Variants in CHD6 observed in about 807,000 individuals in gnomAD.
CHD6 encodes ATP-dependent chromatin remodeler CHD6.
In CHD6, 50 loss-of-function variants were observed where a neutral mutation model predicts 276.9. That is an observed-to-expected ratio of 0.18 (90% CI 0.14 to 0.23). CHD6 has a LOEUF of 0.23. Among genes scored for constraint, CHD6 ranks in the 10% least tolerant of loss-of-function variants. CHD6 has a pLI of 1.00. For synonymous variants in CHD6, 1,173 were observed against 1,229.3 expected, an observed-to-expected ratio of 0.95 and a Z score of 0.96; for missense variants, 2,564 against 3,365.8, an observed-to-expected ratio of 0.76 and a Z score of 5.89.
intron 1 of CHD6, among the ~76,000 whole-genome samples, chr20:41,593,567 C>T (rs1048200652): frequency 6.6e-6 from 1 of 152,114 alleles, no homozygotes; most frequent in Non-Finnish European, 1.5e-5. Flanking sequence ...CCCAAAAACC[C>T]AACTCTTAAT....
intron 5 of CHD6, among the ~76,000 whole-genome samples, chr20:41,499,681 C>T (rs986802757): frequency 6.6e-6 from 1 of 152,162 alleles, no homozygotes; most frequent in African/African-American, 2.4e-5. Flanking sequence ...TTGCTGCATA[C>T]AATTTTCAGA....
At chr20:41,557,502 T>C (rs746758302) in intron 1 of CHD6, among the ~76,000 whole-genome samples, 4 of 152,142 alleles carry the variant, frequency 2.6e-5, no homozygotes, top group African/African-American at 7.2e-5. Flanking sequence ...TGTTGTGTAA[T>C]AGTAACTTTT....
At chr20:41,542,598 C>CAGGG (rs1442541499) in intron 2 of CHD6, among the ~76,000 whole-genome samples, 1 of 151,968 alleles carries the variant, frequency 6.6e-6, no homozygotes, top group African/African-American at 2.4e-5. Flanking sequence ...GAGGCTGAGG[C>CAGGG]AGGAGAATGG....
At chr20:41,467,561 GAAA>G (rs11472253) in intron 17 of CHD6, among the ~76,000 whole-genome samples, 1 of 39,156 alleles carries the variant, frequency 2.6e-5, no homozygotes. Context: ...TTCTGACAAT[GAAA>G]AAAAAAAAAA....
intron 27 of CHD6, among the ~76,000 whole-genome samples, chr20:41,429,595 G>T (rs1382502793): frequency 6.6e-6 from 1 of 152,150 alleles, no homozygotes; most frequent in Non-Finnish European, 1.5e-5. Flanking sequence ...CACCTGAAAA[G>T]AAATTTAAAG....
At chr20:41,507,984 C>T (rs183224021) in intron 5 of CHD6, among the ~76,000 whole-genome samples, 1 of 152,250 alleles carries the variant, frequency 6.6e-6, no homozygotes, top group Admixed American at 6.5e-5. Flanking sequence ...AAGGGGATTA[C>T]ACTCATTCAG....
intron 2 of CHD6, among the ~76,000 whole-genome samples, chr20:41,544,555 C>T (rs990605289): frequency 2.1e-4 from 32 of 151,960 alleles, no homozygotes; most frequent in African/African-American, 6.8e-4. Flanking sequence ...CTCATAAATG[C>T]TAGTGACGTA....
At chr20:41,514,111 T>C (rs2044191484) in intron 4 of CHD6, among the ~76,000 whole-genome samples, 1 of 152,214 alleles carries the variant, frequency 6.6e-6, no homozygotes, top group African/African-American at 2.4e-5. Flanking sequence ...GTCATTTTCC[T>C]ACAGGGAAGA....
chr20:41,555,766 G>T (rs1314110061), intron 1 of CHD6, among the ~76,000 whole-genome samples: 2 of 151,860 alleles, frequency 1.3e-5, no homozygotes, highest in East Asian at 3.9e-4. Flanking sequence ...TCACTTTCCA[G>T]ACTGGGCAGC....
chr20:41,497,653 C>T (rs1352315769), intron 7 of CHD6, 152 bp from the exon 8 acceptor site: 1 of 664,242 alleles, frequency 1.5e-6, no homozygotes, highest in Non-Finnish European at 2.7e-6. Context: ...AAGACCTTCC[C>T]CTTAAGGGCA....
At position 41,544,444 on chromosome 20, in the gene CHD6, T is replaced by A. The variant is rs6102457; in HGVS notation, c.33+6861A>T. Among the ~76,000 whole-genome samples the A allele has an allele frequency of 4.9e-3, 749 of 152,276 alleles. 10 individuals carry two copies. Among genetic ancestry groups the A allele is most frequent in the African/African-American group, 0.017 (718 of 41,556 alleles). On this transcript the variant is annotated intron_variant, in intron 2 of 36. Transcript: ENST00000373233. Reference sequence around the variant, plus strand: ...TTAGTTGTTTTTAAGTAGCCTTTTTTATGACAGTGTTTTCTACATGTAAAC... The same window carrying A: ...TTAGTTGTTTTTAAGTAGCCTTTTTAATGACAGTGTTTTCTACATGTAAAC...
intron 33 of CHD6, 125 bp downstream of exon 33, chr20:41,416,463 A>G (rs1600804333): frequency 1.2e-6 from 1 of 806,776 alleles, no homozygotes; most frequent in East Asian, 2.5e-5. Context: ...AATCAACACT[A>G]ATGGCTTGGC....
chr20:41,605,922 A>G (rs1054481138), intron 1 of CHD6, among the ~76,000 whole-genome samples: 1 of 152,214 alleles, frequency 6.6e-6, no homozygotes, highest in Admixed American at 6.5e-5. Flanking sequence ...TTGAGAACCT[A>G]CTATGTACAA....
intron 5 of CHD6, among the ~76,000 whole-genome samples, chr20:41,510,008 G>A (rs898963207): frequency 6.6e-6 from 1 of 152,156 alleles, no homozygotes; most frequent in Non-Finnish European, 1.5e-5. Context: ...ACAGAATTGC[G>A]TTGAGCACAC....
At chr20:41,595,203 G>A (rs73123259) in intron 1 of CHD6, among the ~76,000 whole-genome samples, 3,222 of 152,242 alleles carry the variant, frequency 0.021, 47 homozygotes, top group Non-Finnish European at 0.032. Context: ...ATACTGTGGC[G>A]ACCCAGTAAC....
intron 1 of CHD6, among the ~76,000 whole-genome samples, chr20:41,561,772 C>A (rs1015315170): frequency 6.6e-6 from 1 of 152,200 alleles, no homozygotes; most frequent in African/African-American, 2.4e-5. Flanking sequence ...TTTGAGAGCA[C>A]TACTCCATTG....
chr20:41,467,411 T>C (rs1374208143), intron 17 of CHD6, among the ~76,000 whole-genome samples: 1 of 152,026 alleles, frequency 6.6e-6, no homozygotes, highest in African/African-American at 2.4e-5. Flanking sequence ...AAAACACAAC[T>C]AGGGGGCAGT....
chr20:41,493,017 G>C (rs1568640754), intron 10 of CHD6, among the ~76,000 whole-genome samples: 1 of 152,176 alleles, frequency 6.6e-6, no homozygotes, highest in Non-Finnish European at 1.5e-5. Flanking sequence ...TGGCAGTTGA[G>C]TGGTAATAAT....
chr20:41,415,007 T>C, intron 34 of CHD6, 179 bp downstream of exon 34: 2 of 1,433,972 alleles, frequency 1.4e-6, no homozygotes, highest in South Asian at 1.5e-5. Flanking sequence ...GCGCCATTAA[T>C]GAGTTAGTAA....
Sources: gnomAD v4.1 joint callset for allele counts (sites outside exome capture counted in the v4.1 genomes callset) on GRCh38, gnomAD v4.1.1 for gene constraint, MANE v1.5 for transcripts, NCBI Gene and HGNC (gene_info 2026-07-23, HGNC 2026-07-21) for gene names.